MYO16: variants seen among roughly 807,000 people sequenced by gnomAD.
The protein encoded by MYO16 is myosin XVI, also known as unconventional myosin-XVI.
In MYO16, 94 loss-of-function variants were observed where a neutral mutation model predicts 205.3. The ratio of observed to expected loss-of-function variants is 0.46; its 90% CI spans 0.39 to 0.54. The LOEUF (loss-of-function observed/expected upper bound fraction) is 0.54. Among genes scored for constraint, MYO16 ranks in the 20% least tolerant of loss-of-function variants. The pLI is 0.00. For missense variants in MYO16, 2,315 were observed against 2,387.5 expected, an observed-to-expected ratio of 0.97 and a Z score of 0.63; for synonymous variants, 988 against 954.0, an observed-to-expected ratio of 1.04 and a Z score of -0.66.
intron 7 of MYO16, among the ~76,000 whole-genome samples, chr13:108,809,448 A>G (rs1887216813): frequency 6.6e-6 from 1 of 152,202 alleles, no homozygotes; most frequent in Non-Finnish European, 1.5e-5. Context: ...TGGCTCTGGC[A>G]TCTGCTGGGC....
intron 4 of MYO16, among the ~76,000 whole-genome samples, chr13:108,760,382 C>T (rs1885566470): frequency 9.3e-6 from 1 of 107,382 alleles, no homozygotes; most frequent in African/African-American, 2.9e-5. Context: ...CCATCACATG[C>T]CTCTTGCTTC....
chr13:109,206,976 A>G lies in MYO16; in HGVS notation c.*140A>G, dbSNP rs1880625375. ...AAAGCACAGGACACAGACACTAAAT[A>G]TATGAGATCCCGTGTGTGTGTGTGT... On this transcript the variant is annotated 3_prime_UTR_variant, in exon 35 of 35. Coordinates refer to ENST00000457511, the MANE Select transcript of MYO16 (RefSeq NM_001198950.3). The G allele has an allele frequency of 3.0e-6, 2 of 664,064 alleles. No individual in the cohort carries two copies. Among genetic ancestry groups the G allele is most frequent in the Admixed American group, 2.7e-5 (1 of 36,420 alleles). 41.1% of individuals were successfully genotyped at this position (664,064 alleles called of 1,614,324 possible).
At chr13:109,032,600 T>C (rs1300922611) in intron 23 of MYO16, among the ~76,000 whole-genome samples, 1 of 152,188 alleles carries the variant, frequency 6.6e-6, no homozygotes, top group Non-Finnish European at 1.5e-5. Flanking sequence ...GTACTCAAAT[T>C]GAGCACAAGA....
chr13:108,519,780 G>C, the MYO16 span, among the ~76,000 whole-genome samples: 1 of 152,050 alleles, frequency 6.6e-6, no homozygotes, highest in Non-Finnish European at 1.5e-5. Context: ...AGGAGTCAAA[G>C]TAAATGTACC....
chr13:108,862,115 T>C lies in MYO16; in HGVS notation c.1360-4062T>C, dbSNP rs371114851. Among the ~76,000 whole-genome samples the C allele has an allele frequency of 5.9e-5, 9 of 152,308 alleles. No individual in the cohort carries two copies. In the South Asian group the frequency reaches 8.3e-4, roughly 14 times the overall value. ...AGACACAATCCCCAATGCCATAATT[T>C]AGAATGTTGAAATCTCAAAAGATCG... is the stretch of plus-strand genomic sequence containing the variant. On this transcript the variant is annotated intron_variant, in intron 11 of 34. Transcript: ENST00000457511.
chr13:108,870,695 GT>G (rs1879009207), intron 12 of MYO16, among the ~76,000 whole-genome samples: 1 of 151,916 alleles, frequency 6.6e-6, no homozygotes, highest in African/African-American at 2.4e-5. Context: ...TTTAAAATTT[GT>G]AGAATTTTGA....
chr13:108,675,393 A>G (rs1882157664), intron 2 of MYO16, among the ~76,000 whole-genome samples: 1 of 152,226 alleles, frequency 6.6e-6, no homozygotes, highest in African/African-American at 2.4e-5. Context: ...AATCAGATAT[A>G]AAATTACAAA....
At position 109,141,033 on chromosome 13, in the gene MYO16, G is replaced by T. The variant is rs1320225251; in HGVS notation, c.4821G>T (p.Ala1607=). The change falls in exon 32 of 35, where the codon GCG becomes GCT. Residue 1607 remains alanine (A), a synonymous_variant. Coordinates refer to ENST00000457511, the MANE Select transcript of MYO16 (RefSeq NM_001198950.3). This position sits in a 1 kb window ranked among gnomAD's most constrained non-coding sequence, Gnocchi z 4.1. The part of the protein sequence containing the change: ...PPPPPPGPPP[A]PYRPCAHLAF... Reference sequence around the variant, plus strand: ...CGCCCCCGCCCGGGCCGCCCCCCGCGCCCTACAGGCCCTGCGCGCACTTGG... The same window carrying T: ...CGCCCCCGCCCGGGCCGCCCCCCGCTCCCTACAGGCCCTGCGCGCACTTGG... 3 of 1,311,884 alleles carry T rather than the reference G, an allele frequency of 2.3e-6. No homozygotes were observed. Among genetic ancestry groups the T allele is most frequent in the Non-Finnish European group, 2.9e-6 (3 of 1,033,412 alleles). The allele number at this position is 1,311,884 out of a possible 1,614,324, so 81.3% of individuals were successfully genotyped here.
chr13:108,896,794 C>T (rs1419263308), intron 14 of MYO16, among the ~76,000 whole-genome samples: 1 of 152,064 alleles, frequency 6.6e-6, no homozygotes, highest in East Asian at 1.9e-4. Context: ...CATGGCGAAA[C>T]CCTGTCTCTA....
intron 34 of MYO16, among the ~76,000 whole-genome samples, chr13:109,193,604 A>G (rs1202986256): frequency 2.0e-5 from 3 of 152,246 alleles, no homozygotes; most frequent in Non-Finnish European, 4.4e-5. Flanking sequence ...TAATAGTTAA[A>G]CTGTGTCCTG....
At chr13:108,984,801 C>G (rs277795) in intron 20 of MYO16, among the ~76,000 whole-genome samples, 1,968 of 152,246 alleles carry the variant, frequency 0.013, 38 homozygotes, top group African/African-American at 0.046. Context: ...ACGGCTCAGT[C>G]TCCTTTCAAG....
At chr13:108,644,177 A>G (rs1880633542) in intron 1 of MYO16, among the ~76,000 whole-genome samples, 1 of 152,110 alleles carries the variant, frequency 6.6e-6, no homozygotes, top group Non-Finnish European at 1.5e-5. Flanking sequence ...CTTACATAAT[A>G]GGCTTCTGGT....
At chr13:109,046,003 G>A (rs1024593155) in intron 23 of MYO16, among the ~76,000 whole-genome samples, 2 of 152,170 alleles carry the variant, frequency 1.3e-5, no homozygotes, top group Non-Finnish European at 1.5e-5. Context: ...CCCTCACGGC[G>A]GATGCTCGCC....
intron 10 of MYO16, among the ~76,000 whole-genome samples, chr13:108,850,081 G>A (rs1425395359): frequency 1.3e-5 from 2 of 151,360 alleles, no homozygotes; most frequent in Non-Finnish European, 2.9e-5. Flanking sequence ...TGGGTTATTT[G>A]CGCCTAGACT....
At chr13:108,815,507 C>G (rs1483198550) in intron 7 of MYO16, among the ~76,000 whole-genome samples, 1 of 152,034 alleles carries the variant, frequency 6.6e-6, no homozygotes, top group Non-Finnish European at 1.5e-5. Context: ...AGGGGAGGGA[C>G]CATTAACCAA....
intron 14 of MYO16, 82 bp from the exon 15 acceptor site, chr13:108,897,934 A>G (rs1880509166): frequency 1.8e-6 from 2 of 1,082,228 alleles, no homozygotes; most frequent in African/African-American, 3.1e-5. Flanking sequence ...AAGAAGTATT[A>G]TTCACTGCAT....
In MYO16 at chr13:109,181,819, T is replaced by TA. The variant is rs1343781232; in HGVS notation, c.5415+2186_5415+2187insA. Among the ~76,000 whole-genome samples the TA allele has an allele frequency of 4.6e-3, 662 of 143,838 alleles. 3 individuals are homozygous for TA. The highest frequency in any genetic ancestry group is 0.014 in the African/African-American group (545 of 38,318). The allele number at this position is 143,838 out of a possible 152,430, so 94.4% of individuals were successfully genotyped here. ...CATAAAATTTATTTATTTATTTATT[T>TA]TATTTTATTTTTTTTTTTGAGACAG... On this transcript the variant is annotated intron_variant, in intron 34 of 34. Transcript: ENST00000457511.
intron 1 of MYO16, among the ~76,000 whole-genome samples, chr13:108,622,474 G>T (rs908029488): frequency 3.3e-5 from 5 of 152,116 alleles, no homozygotes; most frequent in African/African-American, 1.2e-4. Flanking sequence ...GAGGAGCCTT[G>T]GTCAGGGAAA....
the MYO16 span, among the ~76,000 whole-genome samples, chr13:108,535,330 G>C: frequency 3.7e-4 from 57 of 152,182 alleles, no homozygotes; most frequent in African/African-American, 9.9e-4. Flanking sequence ...CAATAATATA[G>C]ATGCTTATTT....
Sources: gnomAD v4.1 joint callset for allele counts (sites outside exome capture counted in the v4.1 genomes callset) on GRCh38, gnomAD v4.1.1 for gene constraint, Gnocchi (gnomAD v3.1) non-coding constraint, MANE v1.5 for transcripts, NCBI Gene and HGNC (gene_info 2026-07-23, HGNC 2026-07-21) for gene names.